ECPAS: variants seen among roughly 807,000 people sequenced by gnomAD.
The protein encoded by ECPAS is Ecm29 proteasome adaptor and scaffold, also known as proteasome adapter and scaffold protein ECM29.
A neutral mutation model predicts 255.1 loss-of-function variants in ECPAS; 70 were observed. The ratio of observed to expected loss-of-function variants is 0.27; its 90% CI spans 0.23 to 0.33. The LOEUF is 0.33. ECPAS is among the 10% of genes least tolerant of loss of function. The pLI, the probability that ECPAS is intolerant of heterozygous loss-of-function variation, is 1.00. For synonymous variants in ECPAS, 784 were observed against 775.0 expected, an observed-to-expected ratio of 1.01 and a Z score of -0.19; for missense variants, 1,817 against 2,206.4, an observed-to-expected ratio of 0.82 and a Z score of 3.54.
intron 38 of ECPAS, among the ~76,000 whole-genome samples, chr9:111,374,750 A>G (rs4144647): frequency 0.063 from 9,649 of 152,244 alleles, 448 homozygotes; most frequent in East Asian, 0.19. Context: ...ACATTTTTCT[A>G]TTCAAACACT....
chr9:111,466,508 C>T (rs1180478642), intron 2 of ECPAS, among the ~76,000 whole-genome samples: 1 of 152,028 alleles, frequency 6.6e-6, no homozygotes, highest in Non-Finnish European at 1.5e-5. Context: ...TATCAAAACC[C>T]TGAGAATCTT....
Position 111,420,018 on chromosome 9 carries a change from G to C in ECPAS, c.1558C>G (p.Pro520Ala), listed in dbSNP as rs1188546375. ...AAATTAACACCTTTTGAAACTTACGGATCTCCTGCAGCCAGTAGCAGCAAA... is the reference window on the plus strand; with the variant it reads ...AAATTAACACCTTTTGAAACTTACGCATCTCCTGCAGCCAGTAGCAGCAAA... ...RYLLLLAAGD[P>A]REEVHGEAQR... is the part of the protein sequence containing the mutation. The change falls in exon 16 of 50, where the codon CCA becomes GCA. Residue 520 changes from proline to alanine, a missense_variant and splice_region_variant. Physicochemically the swap from Pro to Ala is conservative, Grantham distance 27. Around this residue, in one of 4 missense-constraint regions of ECPAS, gnomAD observed 573 missense variants for 716.2 expected, o/e 0.80. Transcript: ENST00000684092. The C allele has an allele frequency of 6.2e-7, 1 of 1,603,292 alleles. No individual in the cohort carries two copies. Among genetic ancestry groups the C allele is most frequent in the Non-Finnish European group, 8.5e-7 (1 of 1,170,894 alleles).
chr9:111,468,363 C>G (rs1464576549), intron 2 of ECPAS, among the ~76,000 whole-genome samples: 1 of 152,144 alleles, frequency 6.6e-6, no homozygotes, highest in East Asian at 1.9e-4. Flanking sequence ...AAACCCTAGA[C>G]AGTCCAATGC....
At chr9:111,381,265 T>C (rs2098140231) in intron 35 of ECPAS, among the ~76,000 whole-genome samples, 1 of 152,168 alleles carries the variant, frequency 6.6e-6, no homozygotes, top group Admixed American at 6.5e-5. Context: ...TTGTTGTGTC[T>C]CAGGGAATGA....
chr9:111,445,228 C>T (rs2098251339), intron 3 of ECPAS, among the ~76,000 whole-genome samples: 1 of 150,898 alleles, frequency 6.6e-6, no homozygotes, highest in African/African-American at 2.4e-5. Flanking sequence ...CTCCTGATCT[C>T]AAGCAATCCG....
chr9:111,482,444 A>AT (rs2098307298), intron 1 of ECPAS, among the ~76,000 whole-genome samples: 1 of 152,254 alleles, frequency 6.6e-6, no homozygotes, highest in South Asian at 2.1e-4. Flanking sequence ...GATCATGTAT[A>AT]TAAAAGTGGC....
Position 111,446,691 on chromosome 9 carries a change from A to C in ECPAS, c.154-2197T>G, listed in dbSNP as rs1241323757. Among the ~76,000 whole-genome samples the C allele has an allele frequency of 3.9e-5, 6 of 152,204 alleles. No homozygotes were observed. The East Asian group carries it at 9.6e-4, about 24-fold the overall frequency. ...CCTTATCTAATACGATTCTCACAACAACCAGTGAGGTGGTGTCATTCCCAT... is the reference window on the plus strand; with the variant it reads ...CCTTATCTAATACGATTCTCACAACCACCAGTGAGGTGGTGTCATTCCCAT... On this transcript the variant is annotated intron_variant, in intron 3 of 49. Transcript: ENST00000684092.
chr9:111,412,538 G>A (rs1235201472), intron 20 of ECPAS, among the ~76,000 whole-genome samples: 2 of 152,124 alleles, frequency 1.3e-5, no homozygotes, highest in Non-Finnish European at 2.9e-5. Context: ...ACATGGACAC[G>A]ACAATGTTTG....
intron 35 of ECPAS, among the ~76,000 whole-genome samples, chr9:111,379,667 G>C (rs577319151): frequency 6.6e-6 from 1 of 152,320 alleles, no homozygotes; most frequent in African/African-American, 2.4e-5. Context: ...CAAAGTTAGA[G>C]TCAATCCTCT....
At chr9:111,454,630 A>G (rs1461024801) in intron 2 of ECPAS, among the ~76,000 whole-genome samples, 1 of 152,206 alleles carries the variant, frequency 6.6e-6, no homozygotes, top group African/African-American at 2.4e-5. Context: ...ATACTTAAAT[A>G]AAAGATAAGC....
chr9:111,455,009 A>G (rs2131983209), intron 2 of ECPAS, among the ~76,000 whole-genome samples: 1 of 152,280 alleles, frequency 6.6e-6, no homozygotes, highest in Non-Finnish European at 1.5e-5. Flanking sequence ...TGCTGGGATT[A>G]CAAGTATGAG....
intron 2 of ECPAS, among the ~76,000 whole-genome samples, chr9:111,457,675 T>C (rs566971724): frequency 6.6e-6 from 1 of 152,296 alleles, no homozygotes; most frequent in Non-Finnish European, 1.5e-5. Context: ...GGAAAAGGCT[T>C]GCCCCAGAGT....
chr9:111,404,051 T>C (rs1040649071), intron 24 of ECPAS, among the ~76,000 whole-genome samples: 1 of 149,604 alleles, frequency 6.7e-6, no homozygotes, highest in Non-Finnish European at 1.5e-5. Context: ...AATTTAAAAT[T>C]TCTTGATAAA....
At chr9:111,438,033 T>A (rs916362238) in intron 6 of ECPAS, among the ~76,000 whole-genome samples, 1 of 152,212 alleles carries the variant, frequency 6.6e-6, no homozygotes, top group Non-Finnish European at 1.5e-5. Flanking sequence ...TCATATTCAT[T>A]CAATTCCTAA....
intron 5 of ECPAS, 121 bp downstream of exon 5, chr9:111,442,185 G>T (rs920660318): frequency 8.7e-6 from 5 of 574,072 alleles, no homozygotes; most frequent in Non-Finnish European, 1.5e-5. Flanking sequence ...TCTATTATTT[G>T]TCAGCTAAAA....
intron 2 of ECPAS, among the ~76,000 whole-genome samples, chr9:111,468,628 TGAGAGAGAGAGA>T (rs199930694): frequency 1.4e-5 from 2 of 139,964 alleles, no homozygotes; most frequent in Non-Finnish European, 3.1e-5. Flanking sequence ...AGAGAGTGAG[TGAGAGAGAGAGA>T]GAGAGAGAGA....
At chr9:111,410,654 C>T (rs939054907) in intron 22 of ECPAS, among the ~76,000 whole-genome samples, 1 of 151,992 alleles carries the variant, frequency 6.6e-6, no homozygotes, top group African/African-American at 2.4e-5. Context: ...GTAGTTGAGG[C>T]TACAGGTACA....
intron 23 of ECPAS, among the ~76,000 whole-genome samples, chr9:111,409,133 A>C (rs1214944938): frequency 6.6e-6 from 1 of 152,198 alleles, no homozygotes; most frequent in African/African-American, 2.4e-5. Flanking sequence ...AATGCATGCA[A>C]AGCACTTAAC....
intron 24 of ECPAS, among the ~76,000 whole-genome samples, chr9:111,407,423 A>AG (rs2098186307): frequency 3.5e-5 from 5 of 144,410 alleles, no homozygotes; most frequent in Non-Finnish European, 7.6e-5. Context: ...AAAAAAAAAA[A>AG]AAAAAAAAAA....
Sources: allele counts gnomAD v4.1 joint callset (sites outside exome capture counted in the v4.1 genomes callset), GRCh38; gene constraint gnomAD v4.1.1; regional missense constraint gnomAD v4.1.1; transcripts MANE v1.5; gene names NCBI Gene and HGNC (gene_info 2026-07-23, HGNC 2026-07-21).